The following DNAAF9 variants were observed in gnomAD, a reference collection of about 807,000 sequenced individuals.
The protein encoded by DNAAF9 is dynein axonemal assembly factor 9.
In DNAAF9, 90 loss-of-function variants were observed where a neutral mutation model predicts 167.0. The observed-to-expected ratio is 0.54, with a 90% CI of 0.45 to 0.64. The LOEUF (loss-of-function observed/expected upper bound fraction) is 0.64. Among genes scored for constraint, DNAAF9 ranks in the 30% least tolerant of loss-of-function variants. The pLI, the probability that DNAAF9 is intolerant of heterozygous loss-of-function variation, is 0.00. For synonymous variants in DNAAF9, 491 were observed against 508.8 expected (o/e 0.96, Z 0.47); for missense variants, 1,315 against 1,442.2 (o/e 0.91, Z 1.43).
At chr20:3,401,528 G>A (rs239481) in intron 1 of DNAAF9, among the ~76,000 whole-genome samples, 152,320 of 152,320 alleles carry the variant, frequency 1, 76,160 homozygotes, top group Non-Finnish European at 1. Context: ...CACCTAGCTC[G>A]CAACTATGAC....
chr20:3,341,017 T>G (rs1234998376), intron 9 of DNAAF9, among the ~76,000 whole-genome samples: 1 of 152,154 alleles, frequency 6.6e-6, no homozygotes, highest in African/African-American at 2.4e-5. Context: ...GTTATGATAC[T>G]TGGACTAGAC....
At chr20:3,319,320 G>T (rs1476005193) in intron 16 of DNAAF9, among the ~76,000 whole-genome samples, 1 of 124,612 alleles carries the variant, frequency 8.0e-6, no homozygotes, top group African/African-American at 2.9e-5. Flanking sequence ...TTATGGCCAA[G>T]ACAAATAAAA....
At chr20:3,322,091 G>A (rs2069625723) in intron 16 of DNAAF9, 126 bp downstream of exon 16, 2 of 692,952 alleles carry the variant, frequency 2.9e-6, no homozygotes, top group African/African-American at 1.8e-5. Context: ...GGATAGGACT[G>A]AGAGAAGATC....
At chr20:3,287,609 T>C (rs1568579527) in intron 27 of DNAAF9, 23 bp downstream of exon 27, 1 of 1,613,010 alleles carries the variant, frequency 6.2e-7, no homozygotes, top group Non-Finnish European at 8.5e-7. Context: ...TTCGACTGTT[T>C]CCAGGAGACT....
intron 33 of DNAAF9, among the ~76,000 whole-genome samples, chr20:3,257,070 G>C (rs2068294585): frequency 6.6e-6 from 1 of 152,090 alleles, no homozygotes; most frequent in Non-Finnish European, 1.5e-5. Flanking sequence ...GATGAGAATG[G>C]GAAAAAGTGT....
At chr20:3,262,639 T>G (rs1395187696) in intron 31 of DNAAF9, among the ~76,000 whole-genome samples, 1 of 152,108 alleles carries the variant, frequency 6.6e-6, no homozygotes, top group Non-Finnish European at 1.5e-5. Flanking sequence ...TAGCTTCTTG[T>G]GTATGAGTCA....
chr20:3,279,641 G>A (rs1045448650), intron 28 of DNAAF9, among the ~76,000 whole-genome samples: 1 of 152,246 alleles, frequency 6.6e-6, no homozygotes, highest in Non-Finnish European at 1.5e-5. Flanking sequence ...CCTCCTGTGG[G>A]CAAGGCACTG....
At chr20:3,336,293 TTCAACCTTTATTTCTTCA>T in intron 10 of DNAAF9, among the ~76,000 whole-genome samples, 2 of 127,470 alleles carry the variant, frequency 1.6e-5, no homozygotes, top group African/African-American at 6.2e-5. Flanking sequence ...TTGGGGGAAT[TTCAACCTTTATTTCTTCA>T]TTTTTTAAGT....
rs527751144 is a variant in DNAAF9, at chr20:3,340,675, G to C, written c.846-36C>G. The C allele has an allele frequency of 1.4e-5, 22 of 1,611,126 alleles. No individual in the cohort carries two copies. The Middle Eastern group carries it at 4.9e-4, about 36-fold the overall frequency. On this transcript the variant is annotated intron_variant, in intron 9 of 36. Transcript: ENST00000252032. The stretch of plus-strand genomic sequence containing the variant: ...AAGTCAAAAACATGTGATTAGAAAA[G>C]AGTTCCTGGCCAAGGCAACCTTCCA...
chr20:3,380,121 T>G (rs187643039), intron 3 of DNAAF9, among the ~76,000 whole-genome samples: 59 of 152,310 alleles, frequency 3.9e-4, no homozygotes, highest in African/African-American at 1.4e-3. Context: ...ACTATTTCCT[T>G]AATTTCAGTA....
intron 1 of DNAAF9, among the ~76,000 whole-genome samples, chr20:3,391,802 C>G (rs2083831526): frequency 6.6e-6 from 1 of 152,112 alleles, no homozygotes; most frequent in African/African-American, 2.4e-5. Context: ...TGGTCTCAAA[C>G]TCCTGACCTC....
intron 3 of DNAAF9, among the ~76,000 whole-genome samples, chr20:3,379,724 T>C (rs1167695657): frequency 2.0e-5 from 3 of 152,208 alleles, no homozygotes; most frequent in Non-Finnish European, 4.4e-5. Flanking sequence ...TATTAATTTG[T>C]AGGAAAATGC....
intron 6 of DNAAF9, chr20:3,361,980 T>A (rs577869660): frequency 6.5e-7 from 1 of 1,533,576 alleles, no homozygotes; most frequent in African/African-American, 1.4e-5. Flanking sequence ...TTTGATGCTA[T>A]ATGAATTCTG....
At chr20:3,366,298 C>T (rs1430163070) in intron 6 of DNAAF9, among the ~76,000 whole-genome samples, 1 of 152,152 alleles carries the variant, frequency 6.6e-6, no homozygotes, top group Non-Finnish European at 1.5e-5. Flanking sequence ...CAACATTAAT[C>T]CTCTTGTATA....
At chr20:3,382,184 G>C (rs1239202456) in intron 2 of DNAAF9, among the ~76,000 whole-genome samples, 1 of 152,134 alleles carries the variant, frequency 6.6e-6, no homozygotes, top group Non-Finnish European at 1.5e-5. Flanking sequence ...CATGGCAGGA[G>C]GCAGCTATAT....
At chr20:3,379,712 T>C (rs2083622027) in intron 3 of DNAAF9, among the ~76,000 whole-genome samples, 1 of 152,234 alleles carries the variant, frequency 6.6e-6, no homozygotes. Flanking sequence ...TATAAACAAA[T>C]TTATTAATTT....
intron 16 of DNAAF9, among the ~76,000 whole-genome samples, chr20:3,319,356 A>G (rs112230626): frequency 0.015 from 2,333 of 152,122 alleles, 30 homozygotes; most frequent in Non-Finnish European, 0.023. Context: ...GCCTGGAAAC[A>G]AAATTAGAAC....
At chr20:3,324,422 T>C (rs913744594) in intron 14 of DNAAF9, among the ~76,000 whole-genome samples, 1 of 151,556 alleles carries the variant, frequency 6.6e-6, no homozygotes, top group African/African-American at 2.4e-5. Context: ...TGCTGGGAGA[T>C]GTGATGGAAA....
Position 3,282,897 on chromosome 20 carries a change from C to T in DNAAF9, c.2487-1131G>A, listed in dbSNP as rs559547802. Among the ~76,000 whole-genome samples the T allele has an allele frequency of 1.1e-4, 17 of 152,318 alleles. No homozygotes were observed. In the South Asian group the frequency reaches 3.5e-3, roughly 32 times the overall value. On this transcript the variant is annotated intron_variant, in intron 27 of 36. Transcript: ENST00000252032. ...ACACCCTGTGTGATCAAGCAACCCTCGCTTCTTGGCATTCCCTACCTCCTC... is the reference window on the plus strand; with the variant it reads ...ACACCCTGTGTGATCAAGCAACCCTTGCTTCTTGGCATTCCCTACCTCCTC...
Sources: allele counts gnomAD v4.1 joint callset (sites outside exome capture counted in the v4.1 genomes callset), GRCh38; gene constraint gnomAD v4.1.1; transcripts MANE v1.5; gene names NCBI Gene and HGNC (gene_info 2026-07-23, HGNC 2026-07-21).